GFRA1: variants seen among roughly 807,000 people sequenced by gnomAD.
The protein encoded by GFRA1 is GDNF family receptor alpha 1, also known as GDNF family receptor alpha-1.
A neutral mutation model predicts 51.6 loss-of-function variants in GFRA1; 16 were observed. The observed-to-expected ratio is 0.31, with a 90% CI of 0.21 to 0.47. GFRA1 has a LOEUF of 0.47. GFRA1 is among the 20% of genes least tolerant of loss of function. The pLI is 1.00. For synonymous variants in GFRA1, 270 were observed against 241.3 expected, an observed-to-expected ratio of 1.12 and a Z score of -1.10; for missense variants, 530 against 594.3, an observed-to-expected ratio of 0.89 and a Z score of 1.13.
intron 5 of GFRA1, among the ~76,000 whole-genome samples, chr10:116,179,560 G>A (rs574622518): frequency 5.3e-5 from 8 of 152,310 alleles, no homozygotes; most frequent in African/African-American, 9.6e-5. Flanking sequence ...GCTCTTCACC[G>A]TCTCAATATA....
At chr10:116,205,140 T>C (rs765914521) in intron 5 of GFRA1, among the ~76,000 whole-genome samples, 2 of 152,326 alleles carry the variant, frequency 1.3e-5, no homozygotes, top group Middle Eastern at 3.4e-3. Context: ...ATGCTGTCAT[T>C]GACTGAACCA....
In GFRA1 at chr10:116,269,574, A is replaced by T. The variant is rs553534323; in HGVS notation, c.347T>A (p.Leu116Gln). ...MYQSLQGNDLLEDSPYEPVNS... is the reference protein window; with the variant it reads ...MYQSLQGNDLQEDSPYEPVNS... ...AACTGGTTCATATGGGGAATCCTCCAGCAGATCATTTCCTAAAAACAACAG... is the reference window on the plus strand; with the variant it reads ...AACTGGTTCATATGGGGAATCCTCCTGCAGATCATTTCCTAAAAACAACAG... Residue 116 changes from leucine (L) to glutamine (Q), a missense_variant, in exon 4 of 11, where the codon CTG (leucine) becomes CAG (glutamine). Leu to Gln is a moderately radical substitution (Grantham distance 113). Coordinates refer to ENST00000355422, the MANE Select transcript of GFRA1 (RefSeq NM_005264.8). 2.8e-5 allele frequency: 45 copies of T among 1,599,518 alleles called. No homozygotes were observed. In the South Asian group the frequency reaches 4.7e-4, roughly 17 times the overall value.
At position 116,269,548 on chromosome 10, in the gene GFRA1, T is replaced by C. The variant is rs370844007; in HGVS notation, c.373A>G (p.Asn125Asp). 1 of 1,609,176 alleles carries C rather than the reference T, an allele frequency of 6.2e-7. No homozygotes were observed. Among genetic ancestry groups the C allele is most frequent in the Middle Eastern group, 1.7e-4 (1 of 6,056 alleles). The change falls in exon 4 of 11, where the codon AAC (asparagine) becomes GAC (aspartate). Residue 125 changes from asparagine to aspartate, a missense_variant. Asn to Asp is a conservative substitution (Grantham distance 23, BLOSUM62 1). Transcript: ENST00000355422. ...LLEDSPYEPV[N>D]SRLSDIFRVV... ...CGGAATATATCTGACAATCTGCTGT[T>C]AACTGGTTCATATGGGGAATCCTCC...
chr10:116,271,214 C>CCTTCGGGGTCA (rs1192664783), intron 2 of GFRA1, 99 bp from the exon 3 acceptor site: 29 of 1,025,636 alleles, frequency 2.8e-5, no homozygotes, highest in African/African-American at 4.8e-5. Context: ...GATGCTTGAC[C>CCTTCGGGGTCA]AGCCTTCGGG....
At chr10:116,161,247 T>A (rs1191305750) in intron 5 of GFRA1, among the ~76,000 whole-genome samples, 1 of 152,188 alleles carries the variant, frequency 6.6e-6, no homozygotes, top group Non-Finnish European at 1.5e-5. Context: ...CTCCGTGTGG[T>A]CACTGGAAGG....
intron 5 of GFRA1, among the ~76,000 whole-genome samples, chr10:116,152,392 T>C (rs570099718): frequency 1.2e-4 from 18 of 152,168 alleles, no homozygotes; most frequent in African/African-American, 4.3e-4. Flanking sequence ...TATAAAGAAG[T>C]ACCTGAGGCT....
intron 5 of GFRA1, among the ~76,000 whole-genome samples, chr10:116,129,898 T>C (rs565415261): frequency 3.4e-4 from 51 of 152,018 alleles, no homozygotes; most frequent in Non-Finnish European, 6.5e-4. Flanking sequence ...AAGAGTTTTA[T>C]TTGTAATTAG....
intron 5 of GFRA1, among the ~76,000 whole-genome samples, chr10:116,144,870 C>T (rs1958727913): frequency 6.6e-6 from 1 of 151,890 alleles, no homozygotes; most frequent in Admixed American, 6.5e-5. Flanking sequence ...AAATTTTGGC[C>T]AAGGTTGGTG....
In GFRA1 at chr10:116,058,418, C is replaced by T. The variant is rs1158704458; in HGVS notation, c.*5980G>A. ...GTGACTTCCCCGCCGCTGTGCCTAC[C>T]TGGCCAAGCTCATGGCCCTCTGAGG... is the stretch of plus-strand genomic sequence containing the variant. On this transcript the variant is annotated 3_prime_UTR_variant, in exon 11 of 11. Coordinates refer to ENST00000355422, the MANE Select transcript of GFRA1 (RefSeq NM_005264.8). 6.6e-6 allele frequency: 1 copy of T among 152,360 alleles called. No individual in the cohort carries two copies. Among genetic ancestry groups the T allele is most frequent in the Non-Finnish European group, 1.5e-5 (1 of 68,168 alleles). 9.4% of individuals were successfully genotyped at this position (152,360 alleles called of 1,614,324 possible). A position where few individuals can be genotyped will look rare whatever the true frequency, so the allele number is the denominator to read the frequency against.
intron 9 of GFRA1, among the ~76,000 whole-genome samples, chr10:116,076,097 TG>T: frequency 6.6e-6 from 1 of 152,140 alleles, no homozygotes; most frequent in South Asian, 2.1e-4. Context: ...AGGACGGTAT[TG>T]CCTCCATTCT....
intron 3 of GFRA1, 143 bp downstream of exon 3, chr10:116,270,679 G>T (rs542171817): frequency 1.5e-6 from 1 of 680,206 alleles, no homozygotes; most frequent in Non-Finnish European, 2.5e-6. Context: ...ACCAGCTGCC[G>T]TTGTCCCTGG....
intron 4 of GFRA1, among the ~76,000 whole-genome samples, chr10:116,238,783 T>C (rs1967110603): frequency 6.6e-6 from 1 of 152,244 alleles, no homozygotes; most frequent in Non-Finnish European, 1.5e-5. Context: ...CTTTCAACTA[T>C]TGACATGCAA....
chr10:116,167,955 G>T (rs948406840), intron 5 of GFRA1, among the ~76,000 whole-genome samples: 1 of 152,070 alleles, frequency 6.6e-6, no homozygotes, highest in African/African-American at 2.4e-5. Flanking sequence ...GGGGAAGATT[G>T]GGGGGAGGGT....
chr10:116,135,013 A>G (rs531213883), intron 5 of GFRA1, among the ~76,000 whole-genome samples: 56 of 152,244 alleles, frequency 3.7e-4, no homozygotes, highest in African/African-American at 1.3e-3. Flanking sequence ...TCCTTTTGTT[A>G]TACATTGGAT....
At chr10:116,259,496 T>C (rs1969140648) in intron 4 of GFRA1, among the ~76,000 whole-genome samples, 1 of 152,174 alleles carries the variant, frequency 6.6e-6, no homozygotes, top group Admixed American at 6.5e-5. Flanking sequence ...GCAGGAATGG[T>C]TTTAATAGTA....
intron 4 of GFRA1, among the ~76,000 whole-genome samples, chr10:116,231,919 AT>A (rs759127932): frequency 3.3e-5 from 5 of 152,196 alleles, no homozygotes; most frequent in Non-Finnish European, 7.3e-5. Context: ...TTGCAGAAGA[AT>A]CTCCTTAAAA....
intron 8 of GFRA1, among the ~76,000 whole-genome samples, chr10:116,092,163 G>A (rs1956377101): frequency 6.7e-6 from 1 of 148,940 alleles, no homozygotes; most frequent in Middle Eastern, 3.6e-3. Flanking sequence ...CCAAATAAGA[G>A]GTCCAAGTTG....
chr10:116,118,714 T>C (rs556410989), intron 6 of GFRA1, among the ~76,000 whole-genome samples: 2 of 152,346 alleles, frequency 1.3e-5, no homozygotes, highest in African/African-American at 4.8e-5. Context: ...TGAGTCCATC[T>C]GTCCACAATG....
At chr10:116,137,360 G>A (rs1335681729) in intron 5 of GFRA1, among the ~76,000 whole-genome samples, 4 of 152,170 alleles carry the variant, frequency 2.6e-5, no homozygotes, top group Non-Finnish European at 5.9e-5. Context: ...GGCCCTCACA[G>A]TGCGGATTTC....
Sources: gnomAD v4.1 joint callset for allele counts (sites outside exome capture counted in the v4.1 genomes callset) on GRCh38, gnomAD v4.1.1 for gene constraint, MANE v1.5 for transcripts, NCBI Gene and HGNC (gene_info 2026-07-23, HGNC 2026-07-21) for gene names.